Variants in SNTG1 observed in about 807,000 individuals in gnomAD.
The protein encoded by SNTG1 is syntrophin gamma 1, also known as gamma-1-syntrophin.
Under a neutral mutation model 74.7 loss-of-function variants are expected in SNTG1, and 39 were observed. That is an observed-to-expected ratio of 0.52 (90% CI 0.40 to 0.68). The LOEUF is 0.68. SNTG1 is among the 30% of genes least tolerant of loss of function. The probability of loss-of-function intolerance (pLI) is 0.00; values close to 1 mark genes in which losing one functional copy is unlikely to be tolerated. For synonymous variants in SNTG1, 254 were observed against 217.1 expected (o/e 1.17, Z -1.49); for missense variants, 685 against 609.5 (o/e 1.12, Z -1.30).
At chr8:50,073,651 A>G (rs2131020313) in intron 1 of SNTG1, among the ~76,000 whole-genome samples, 1 of 152,254 alleles carries the variant, frequency 6.6e-6, no homozygotes, top group African/African-American at 2.4e-5. Context: ...AAATTATAAT[A>G]CCAGCAACTC....
At chr8:50,308,187 C>G (rs2089973654) in intron 2 of SNTG1, among the ~76,000 whole-genome samples, 1 of 151,728 alleles carries the variant, frequency 6.6e-6, no homozygotes, top group Non-Finnish European at 1.5e-5. Context: ...CAGACTTTAT[C>G]AGAGACCCCT....
intron 1 of SNTG1, among the ~76,000 whole-genome samples, chr8:49,924,420 G>C (rs923662314): frequency 9.9e-5 from 15 of 152,256 alleles, no homozygotes; most frequent in South Asian, 4.1e-4. Context: ...CTTCCTGTTT[G>C]TACAAGTATT....
intron 15 of SNTG1, among the ~76,000 whole-genome samples, chr8:50,662,518 T>C (rs1295393815): frequency 2.0e-5 from 3 of 152,186 alleles, no homozygotes; most frequent in African/African-American, 4.8e-5. Flanking sequence ...CAAAAAGCAG[T>C]TTAAGTAAAT....
chr8:50,147,542 TGG>T (rs1305589658), intron 1 of SNTG1, among the ~76,000 whole-genome samples: 2 of 152,144 alleles, frequency 1.3e-5, no homozygotes, highest in African/African-American at 4.8e-5. Context: ...ATATAAGTAA[TGG>T]GTTACTCTAA....
chr8:50,132,556 C>T (rs527806537), intron 1 of SNTG1, among the ~76,000 whole-genome samples: 1 of 152,082 alleles, frequency 6.6e-6, no homozygotes, highest in African/African-American at 2.4e-5. Flanking sequence ...GTCTGAAATC[C>T]AACAGGGAAA....
chr8:50,458,463 A>G (rs1269591280), intron 8 of SNTG1, among the ~76,000 whole-genome samples: 1 of 152,154 alleles, frequency 6.6e-6, no homozygotes, highest in Admixed American at 6.5e-5. Context: ...ACAGACAAAG[A>G]ATATGAGAGA....
At chr8:50,765,744 A>G (rs900705924) in intron 18 of SNTG1, among the ~76,000 whole-genome samples, 1 of 151,974 alleles carries the variant, frequency 6.6e-6, no homozygotes, top group African/African-American at 2.4e-5. Flanking sequence ...TTTAAAGTTG[A>G]CAGTGGAAGT....
chr8:50,706,630 A>G (rs1160433787), intron 16 of SNTG1, among the ~76,000 whole-genome samples: 1 of 152,184 alleles, frequency 6.6e-6, no homozygotes, highest in East Asian at 1.9e-4. Flanking sequence ...CCAGTGTAAG[A>G]TAAACATCAG....
At chr8:50,079,400 G>A (rs929847015) in intron 1 of SNTG1, among the ~76,000 whole-genome samples, 2 of 145,880 alleles carry the variant, frequency 1.4e-5, no homozygotes, top group Admixed American at 6.9e-5. Flanking sequence ...ACTTTTTGAT[G>A]GGGTTGTTTG....
intron 2 of SNTG1, among the ~76,000 whole-genome samples, chr8:50,310,665 A>T (rs932532433): frequency 1.4e-4 from 22 of 152,166 alleles, no homozygotes; most frequent in African/African-American, 4.6e-4. Flanking sequence ...TCCAACCTGG[A>T]CAACAAGAGT....
chr8:50,669,775 T>C (rs933660038), intron 15 of SNTG1, among the ~76,000 whole-genome samples: 56 of 152,250 alleles, frequency 3.7e-4, no homozygotes, highest in African/African-American at 1.3e-3. Context: ...TGATGAACAT[T>C]GATGCAAAAA....
intron 1 of SNTG1, among the ~76,000 whole-genome samples, chr8:50,161,408 G>C (rs1032672162): frequency 6.6e-6 from 1 of 152,192 alleles, no homozygotes; most frequent in African/African-American, 2.4e-5. Context: ...CAAAGTGAAG[G>C]AAGAAATCAA....
chr8:50,328,761 C>A (rs943843505), intron 2 of SNTG1, among the ~76,000 whole-genome samples: 1 of 152,082 alleles, frequency 6.6e-6, no homozygotes, highest in Admixed American at 6.6e-5. Flanking sequence ...TGCCCATGGC[C>A]CCTCCCAAAT....
intron 2 of SNTG1, among the ~76,000 whole-genome samples, chr8:50,285,748 C>T (rs921765206): frequency 6.8e-6 from 1 of 146,968 alleles, no homozygotes; most frequent in East Asian, 2.0e-4. Context: ...ATGGAATTTA[C>T]AAAAACCATA....
intron 1 of SNTG1, among the ~76,000 whole-genome samples, chr8:50,112,688 A>G (rs559846501): frequency 5.5e-4 from 84 of 151,590 alleles, no homozygotes; most frequent in African/African-American, 1.9e-3. Context: ...ACACTTGGCT[A>G]ATTTTTGTAT....
chr8:50,147,380 T>G (rs984772104), intron 1 of SNTG1, among the ~76,000 whole-genome samples: 2 of 152,182 alleles, frequency 1.3e-5, no homozygotes, highest in African/African-American at 4.8e-5. Context: ...TTTTGACTGG[T>G]AACTGTAAAG....
chr8:50,390,752 G>A (rs906167995), intron 2 of SNTG1, among the ~76,000 whole-genome samples: 9 of 152,164 alleles, frequency 5.9e-5, no homozygotes, highest in Non-Finnish European at 8.8e-5. Flanking sequence ...TCATTGAGCA[G>A]TGGTTTGTAG....
intron 1 of SNTG1, among the ~76,000 whole-genome samples, chr8:50,103,460 G>A (rs1215679411): frequency 1.3e-5 from 2 of 152,168 alleles, no homozygotes; most frequent in Non-Finnish European, 2.9e-5. Flanking sequence ...GAGATTTTGG[G>A]CTGAGATGAT....
At chr8:50,225,052 G>A (rs746829480) in intron 2 of SNTG1, among the ~76,000 whole-genome samples, 1 of 151,862 alleles carries the variant, frequency 6.6e-6, no homozygotes, top group Non-Finnish European at 1.5e-5. Context: ...CTCACTGCAA[G>A]CTCTGCCTCC....
Sources: allele counts gnomAD v4.1 joint callset (sites outside exome capture counted in the v4.1 genomes callset), GRCh38; gene constraint gnomAD v4.1.1; transcripts MANE v1.5; gene names NCBI Gene and HGNC (gene_info 2026-07-23, HGNC 2026-07-21).